The following ZNF366 variants were observed in gnomAD, a reference collection of about 807,000 sequenced individuals.
The protein encoded by ZNF366 is zinc finger protein 366.
ZNF366 carries 20 observed loss-of-function variants against 47.2 expected under a neutral mutation model. That is an observed-to-expected ratio of 0.42 (90% CI 0.30 to 0.62). The LOEUF (loss-of-function observed/expected upper bound fraction) is 0.62, where lower values mean the gene tolerates loss of function less well. ZNF366 is among the 20% of genes least tolerant of loss of function. ZNF366 has a pLI of 0.16. For missense variants in ZNF366, 987 were observed against 976.3 expected, an observed-to-expected ratio of 1.01 and a Z score of -0.15; for synonymous variants, 421 against 395.1, an observed-to-expected ratio of 1.07 and a Z score of -0.78.
intron 4 of ZNF366, among the ~76,000 whole-genome samples, chr5:72,444,607 A>AT (rs752172108): frequency 1.4e-5 from 2 of 138,434 alleles, no homozygotes; most frequent in Non-Finnish European, 3.3e-5. Flanking sequence ...GCATATCACC[A>AT]TATTTTTTTT....
chr5:72,505,699 G>C (rs553333104), intron 1 of ZNF366, among the ~76,000 whole-genome samples: 1 of 152,334 alleles, frequency 6.6e-6, no homozygotes, highest in South Asian at 2.1e-4. Context: ...AGCAAGTCAA[G>C]ATCGCAGACC....
chr5:72,478,210 G>A (rs970618548), intron 1 of ZNF366, among the ~76,000 whole-genome samples: 1 of 152,182 alleles, frequency 6.6e-6, no homozygotes, highest in African/African-American at 2.4e-5. Flanking sequence ...TGTCTGCTCT[G>A]TGCCAGGCCT....
rs1027467913 is a variant in ZNF366, at chr5:72,470,467, C to T, written c.-14-8957G>A. ...TTCCAAAAGAGCCAGAAGTGAACCC[C>T]TCACTTCTCTGAAGCCTATCACAAT... On this transcript the variant is annotated intron_variant, in intron 1 of 4. Coordinates refer to ENST00000318442, the MANE Select transcript of ZNF366 (RefSeq NM_152625.3). Among the ~76,000 whole-genome samples the T allele has an allele frequency of 5.3e-5, 8 of 152,320 alleles. No individual in the cohort carries two copies. The East Asian group carries it at 1.5e-3, about 29-fold the overall frequency.
Position 72,443,846 on chromosome 5 carries a change from A to T in ZNF366, c.2145T>A (p.Ser715=). 6.2e-7 allele frequency: 1 copy of T among 1,614,228 alleles called. No homozygotes were observed. The highest frequency in any genetic ancestry group is 8.5e-7 in the Non-Finnish European group (1 of 1,180,054). ...CTCTGTGCTTGAAGTATAAGTAATC[A>T]GAAAAAGAGGGGCCCCGCCGGGTAC... ...FQSTRRGPSF[S]DYLYFKHRDE... The change falls in exon 5 of 5, where the codon TCT becomes TCA. Residue 715 remains serine, a synonymous_variant. Transcript: ENST00000318442.
intron 1 of ZNF366, among the ~76,000 whole-genome samples, chr5:72,462,547 CTTT>C (rs71614477): frequency 7.6e-5 from 6 of 78,924 alleles, no homozygotes; most frequent in African/African-American, 1.8e-4. Context: ...TTCTTTCTTT[CTTT>C]TTTTTTTTTT....
chr5:72,470,040 G>A (rs920049757), intron 1 of ZNF366, among the ~76,000 whole-genome samples: 4 of 152,090 alleles, frequency 2.6e-5, no homozygotes, highest in African/African-American at 7.2e-5. Context: ...GCAAGACCCC[G>A]ACTTAAAAAA....
chr5:72,440,070 C>T lies in ZNF366; in HGVS notation c.*3686G>A, dbSNP rs979859261. The T allele has an allele frequency of 1.3e-5, 2 of 152,228 alleles. No homozygotes were observed. The highest frequency in any genetic ancestry group is 4.1e-4 in the South Asian group (2 of 4,838). 9.4% of individuals were successfully genotyped at this position (152,228 alleles called of 1,614,324 possible). A position where few individuals can be genotyped will look rare whatever the true frequency, so the allele number is the denominator to read the frequency against. On this transcript the variant is annotated 3_prime_UTR_variant, in exon 5 of 5. Transcript: ENST00000318442. ...AAGCCAGAGTTCTGTACAAAATCAA[C>T]ATTTGGTGTAATGTTGTCCAAATAT...
At chr5:72,450,414 G>A (rs1318876024) in intron 3 of ZNF366, among the ~76,000 whole-genome samples, 2 of 152,156 alleles carry the variant, frequency 1.3e-5, no homozygotes, top group Non-Finnish European at 2.9e-5. Context: ...AGTCTCCAAT[G>A]AGCTGACTTC....
intron 1 of ZNF366, among the ~76,000 whole-genome samples, chr5:72,494,795 T>C (rs1241158748): frequency 6.6e-6 from 1 of 152,114 alleles, no homozygotes; most frequent in Non-Finnish European, 1.5e-5. Context: ...TTCGTTTGAT[T>C]TGAAGCAGCA....
At chr5:72,500,087 T>C (rs1245688655) in intron 1 of ZNF366, among the ~76,000 whole-genome samples, 1 of 152,204 alleles carries the variant, frequency 6.6e-6, no homozygotes. Flanking sequence ...GCGTGTGGAC[T>C]GGCGTCTCCT....
chr5:72,483,809 G>A (rs1743834444), intron 1 of ZNF366, among the ~76,000 whole-genome samples: 1 of 152,112 alleles, frequency 6.6e-6, no homozygotes, highest in Non-Finnish European at 1.5e-5. Context: ...TCCCACTGGA[G>A]TATTAAGTAA....
At chr5:72,489,869 C>G (rs1410139099) in intron 1 of ZNF366, among the ~76,000 whole-genome samples, 1 of 152,204 alleles carries the variant, frequency 6.6e-6, no homozygotes, top group Admixed American at 6.5e-5. Context: ...AAATTTCCAA[C>G]CACAGATAAT....
intron 3 of ZNF366, among the ~76,000 whole-genome samples, chr5:72,452,996 C>A (rs565686374): frequency 1.3e-5 from 2 of 152,126 alleles, no homozygotes; most frequent in South Asian, 2.1e-4. Flanking sequence ...AGCAAAAGAG[C>A]CGAGAAGGGC....
intron 1 of ZNF366, among the ~76,000 whole-genome samples, chr5:72,503,530 T>TACACACACACACAC (rs34375286): frequency 6.7e-6 from 1 of 148,736 alleles, no homozygotes; most frequent in African/African-American, 2.5e-5. Context: ...TGAATTCTAA[T>TACACACACACACAC]ACACACACAC....
At chr5:72,484,475 C>T (rs1743851766) in intron 1 of ZNF366, among the ~76,000 whole-genome samples, 1 of 141,438 alleles carries the variant, frequency 7.1e-6, no homozygotes, top group East Asian at 2.1e-4. Context: ...CAGAGCGAGA[C>T]TCCGTCTCAA....
At chr5:72,492,637 G>A (rs1019667697) in intron 1 of ZNF366, among the ~76,000 whole-genome samples, 3 of 152,130 alleles carry the variant, frequency 2.0e-5, no homozygotes, top group Admixed American at 6.5e-5. Context: ...AAGGCTAGAA[G>A]GTTGTTTATG....
intron 1 of ZNF366, among the ~76,000 whole-genome samples, chr5:72,484,031 A>G (rs938946323): frequency 2.0e-5 from 3 of 152,170 alleles, no homozygotes; most frequent in Admixed American, 6.5e-5. Flanking sequence ...CATTTCATCT[A>G]TACCTCACTC....
intron 1 of ZNF366, chr5:72,472,489 G>C (rs1743587291): frequency 1.0e-6 from 1 of 953,794 alleles, no homozygotes; most frequent in Non-Finnish European, 1.2e-6. Context: ...TTCCCTACCA[G>C]TGGGTTCTGT....
intron 1 of ZNF366, among the ~76,000 whole-genome samples, chr5:72,473,955 GT>G (rs1232169239): frequency 2.6e-5 from 4 of 152,110 alleles, no homozygotes; most frequent in Admixed American, 2.6e-4. Flanking sequence ...AAAGAGGTTT[GT>G]CTGTGGCTTG....
Sources: gnomAD v4.1 joint callset for allele counts (sites outside exome capture counted in the v4.1 genomes callset) on GRCh38, gnomAD v4.1.1 for gene constraint, MANE v1.5 for transcripts, NCBI Gene and HGNC (gene_info 2026-07-23, HGNC 2026-07-21) for gene names.